Variants in RHOU observed in about 807,000 individuals in gnomAD.
RHOU encodes ras homolog family member U.
In RHOU, 8 loss-of-function variants were observed where a neutral mutation model predicts 12.6. The ratio of observed to expected loss-of-function variants is 0.64; its 90% CI spans 0.37 to 1.15. The LOEUF (loss-of-function observed/expected upper bound fraction) is 1.15, where lower values mean the gene tolerates loss of function less well. Ranked by LOEUF, RHOU falls within the 50% of genes most tolerant of loss-of-function variation. RHOU has a pLI of 0.01. For synonymous variants in RHOU, 161 were observed against 147.4 expected, an observed-to-expected ratio of 1.09 and a Z score of -0.67; for missense variants, 258 against 347.0, an observed-to-expected ratio of 0.74 and a Z score of 2.04.
the RHOU span, among the ~76,000 whole-genome samples, chr1:228,728,988 C>T: frequency 6.6e-6 from 1 of 151,838 alleles, no homozygotes; most frequent in South Asian, 2.1e-4. Flanking sequence ...CTCTGCCTCC[C>T]GGGTTCAAGC....
At chr1:228,721,414 G>T in the RHOU span, among the ~76,000 whole-genome samples, 6 of 152,300 alleles carry the variant, frequency 3.9e-5, no homozygotes, top group Admixed American at 6.5e-5. Flanking sequence ...GCAGAAACAA[G>T]ATATTTTAAT....
the RHOU span, among the ~76,000 whole-genome samples, chr1:228,671,783 C>T: frequency 5.3e-5 from 8 of 151,418 alleles, no homozygotes; most frequent in African/African-American, 1.7e-4. Context: ...ACTTTAACAC[C>T]GTGATTTCTA....
At chr1:228,666,102 C>T in the RHOU span, among the ~76,000 whole-genome samples, 1 of 151,888 alleles carries the variant, frequency 6.6e-6, no homozygotes, top group South Asian at 2.1e-4. Context: ...GGATTGCAGG[C>T]GTGCACCACC....
chr1:228,716,303 A>G, the RHOU span, among the ~76,000 whole-genome samples: 1 of 152,108 alleles, frequency 6.6e-6, no homozygotes, highest in Non-Finnish European at 1.5e-5. Context: ...ATTCCTGCTT[A>G]TCTTTCCCAC....
chr1:228,664,758 C>T, the RHOU span, among the ~76,000 whole-genome samples: 1 of 152,130 alleles, frequency 6.6e-6, no homozygotes, highest in Admixed American at 6.5e-5. Flanking sequence ...TTCAGCCTCC[C>T]GAGTAGCTGG....
the RHOU span, among the ~76,000 whole-genome samples, chr1:228,671,712 CAAAAAAAA>C: frequency 1.5e-5 from 1 of 65,248 alleles, no homozygotes; most frequent in African/African-American, 4.5e-5. Flanking sequence ...GACTCCATCT[CAAAAAAAA>C]AAAAAAAAAA....
At chr1:228,729,641 T>A in the RHOU span, among the ~76,000 whole-genome samples, 1 of 152,198 alleles carries the variant, frequency 6.6e-6, no homozygotes, top group African/African-American at 2.4e-5. Context: ...CTGCTGTGAA[T>A]TTTGCATGAC....
chr1:228,737,818 C>T lies in RHOU; in HGVS notation c.321+87C>T, dbSNP rs1433467694. 1.4e-6 allele frequency: 2 copies of T among 1,403,906 alleles called. No homozygotes were observed. The highest frequency in any genetic ancestry group is 2.0e-6 in the Non-Finnish European group (2 of 996,190). 87.0% of individuals were successfully genotyped at this position (1,403,906 alleles called of 1,614,324 possible). A position where few individuals can be genotyped will look rare whatever the true frequency, so the allele number is the denominator to read the frequency against. On this transcript the variant is annotated intron_variant, in intron 2 of 2. Transcript: ENST00000366691. This position sits in a 1 kb window ranked among gnomAD's most constrained non-coding sequence, Gnocchi z 4.1. ...AACCTTTGATTCCCTCAGTCAGTAACTGGGTCATTCTAAAGCCTCATGAAG... is the reference window on the plus strand; with the variant it reads ...AACCTTTGATTCCCTCAGTCAGTAATTGGGTCATTCTAAAGCCTCATGAAG...
upstream of RHOU, among the ~76,000 whole-genome samples, chr1:228,732,204 T>C (rs1662512066): frequency 1.3e-5 from 2 of 152,208 alleles, no homozygotes; most frequent in African/African-American, 4.8e-5. Context: ...ACCTACTACT[T>C]GCCCCACGTG....
In RHOU at chr1:228,735,851, G is replaced by C; in HGVS notation, c.109G>C (p.Gly37Arg). 2.3e-6 allele frequency: 3 copies of C among 1,325,620 alleles called. No individual in the cohort carries two copies. Among genetic ancestry groups the C allele is most frequent in the Non-Finnish European group, 2.9e-6 (3 of 1,040,294 alleles). The allele number at this position is 1,325,620 out of a possible 1,614,324, so 82.1% of individuals were successfully genotyped here. A position where few individuals can be genotyped will look rare whatever the true frequency, so the allele number is the denominator to read the frequency against. The change falls in exon 1 of 3, where the codon GGG becomes CGG. Residue 37 changes from glycine to arginine, a missense_variant. Gly to Arg is a moderately radical substitution (Grantham distance 125). Coordinates refer to ENST00000366691, the MANE Select transcript of RHOU (RefSeq NM_021205.6). This position sits in a 1 kb window ranked among gnomAD's most constrained non-coding sequence, Gnocchi z 8.1. ...CGGGGGACGCGGGCCTGGGGAGCCG[G>C]GGGGCCGGGGGCGTGCGGGGGGTGC... ...GRGGRGPGEP[G>R]GRGRAGGAEG...
chr1:228,669,313 T>C, the RHOU span, among the ~76,000 whole-genome samples: 1 of 152,164 alleles, frequency 6.6e-6, no homozygotes, highest in Admixed American at 6.5e-5. Context: ...CCTCCACTAG[T>C]CATCACTTCT....
chr1:228,720,523 G>A, the RHOU span, among the ~76,000 whole-genome samples: 1 of 152,080 alleles, frequency 6.6e-6, no homozygotes, highest in African/African-American at 2.4e-5. Flanking sequence ...CAATATGACT[G>A]GTGTCCTCAT....
the RHOU span, among the ~76,000 whole-genome samples, chr1:228,656,550 G>C: frequency 4.6e-5 from 7 of 152,080 alleles, no homozygotes; most frequent in Non-Finnish European, 1.0e-4. Flanking sequence ...TAACTGAAAG[G>C]GGGGATGGAG....
the RHOU span, among the ~76,000 whole-genome samples, chr1:228,659,150 G>T: frequency 1.3e-5 from 2 of 151,696 alleles, no homozygotes; most frequent in Admixed American, 1.3e-4. Flanking sequence ...AGGCTGAGGT[G>T]GGCGGATCAC....
the RHOU span, among the ~76,000 whole-genome samples, chr1:228,661,777 G>A: frequency 6.6e-5 from 10 of 152,166 alleles, no homozygotes; most frequent in South Asian, 1.2e-3. Flanking sequence ...GGGCAAGGAC[G>A]TCATGACTGA....
chr1:228,693,288 G>A, the RHOU span, among the ~76,000 whole-genome samples: 1 of 152,218 alleles, frequency 6.6e-6, no homozygotes, highest in Non-Finnish European at 1.5e-5. Flanking sequence ...TGAACTGACT[G>A]CTGCCTACGT....
the RHOU span, among the ~76,000 whole-genome samples, chr1:228,678,493 T>C: frequency 1.3e-5 from 2 of 152,320 alleles, no homozygotes; most frequent in East Asian, 3.9e-4. Context: ...GTGATGCCTT[T>C]TAATGGCCCT....
chr1:228,735,727 C>T lies in RHOU; in HGVS notation c.-16C>T, dbSNP rs181166088. On this transcript the variant is annotated 5_prime_UTR_variant, in exon 1 of 3. Transcript: ENST00000366691. The surrounding 1 kb of genome is among the most constrained non-coding windows in gnomAD (Gnocchi z 8.1). ...GCCCTGCTAGCCCGCGACCGCAAGC[C>T]CGCGCTCGCGGATCGATGCCCCCGC... The T allele has an allele frequency of 1.1e-3, 1,308 of 1,202,800 alleles. 14 individuals are homozygous for T. The African/African-American group carries it at 0.018, about 17-fold the overall frequency. The allele number at this position is 1,202,800 out of a possible 1,614,324, so 74.5% of individuals were successfully genotyped here.
chr1:228,674,576 C>T, the RHOU span, among the ~76,000 whole-genome samples: 1 of 151,878 alleles, frequency 6.6e-6, no homozygotes, highest in African/African-American at 2.4e-5. Flanking sequence ...AAACTCCTGA[C>T]CTCCAGTGAT....
Sources: gnomAD v4.1 joint callset for allele counts (sites outside exome capture counted in the v4.1 genomes callset) on GRCh38, gnomAD v4.1.1 for gene constraint, Gnocchi (gnomAD v3.1) non-coding constraint, MANE v1.5 for transcripts, NCBI Gene and HGNC (gene_info 2026-07-23, HGNC 2026-07-21) for gene names.